MROH1: variants seen among roughly 807,000 people sequenced by gnomAD.
The protein encoded by MROH1 is maestro heat like repeat family member 1.
Under a neutral mutation model 116.5 loss-of-function variants are expected in MROH1, and 117 were observed. That is an observed-to-expected ratio of 1.00 (90% confidence interval 0.86 to 1.17). The LOEUF is 1.17. Ranked by LOEUF, MROH1 falls within the 50% of genes most tolerant of loss-of-function variation. The probability of loss-of-function intolerance (pLI) is 0.00; values close to 1 mark genes in which losing one functional copy is unlikely to be tolerated. For missense variants in MROH1, 1,873 were observed against 1,338.5 expected (o/e 1.40, Z -6.23); for synonymous variants, 921 against 583.9 (o/e 1.58, Z -8.32).
chr8:144,258,435 C>T (rs1844333333), intron 35 of MROH1, among the ~76,000 whole-genome samples: 1 of 152,160 alleles, frequency 6.6e-6, no homozygotes, highest in South Asian at 2.1e-4. Context: ...GTGGGGGGCA[C>T]CTGTGGTGTG....
chr8:144,174,047 G>C (rs1823198317), intron 4 of MROH1, among the ~76,000 whole-genome samples: 1 of 152,174 alleles, frequency 6.6e-6, no homozygotes, highest in South Asian at 2.1e-4. Context: ...TGCCAACTGA[G>C]TCTGGGGTCT....
At chr8:144,238,716 T>C (rs1369403549) in intron 14 of MROH1, 40 bp from the exon 15 acceptor site, 3 of 764,352 alleles carry the variant, frequency 3.9e-6, no homozygotes, top group Admixed American at 3.4e-5. Context: ...CCCAGAGCCA[T>C]GGCCGCCCAC....
intron 10 of MROH1, among the ~76,000 whole-genome samples, chr8:144,195,787 C>T (rs573361826): frequency 2.0e-5 from 3 of 152,078 alleles, no homozygotes; most frequent in South Asian, 2.1e-4. Flanking sequence ...ACTGCAGCCT[C>T]GGCCTCCCAG....
chr8:144,179,385 A>T (rs765764392), intron 4 of MROH1, 70 bp from the exon 5 acceptor site: 1 of 1,588,026 alleles, frequency 6.3e-7, no homozygotes, highest in Non-Finnish European at 8.6e-7. Flanking sequence ...TTGTAGAGAC[A>T]GTGACAGGCA....
chr8:144,259,181 G>T, intron 36 of MROH1, 59 bp from the exon 37 acceptor site: 1 of 705,018 alleles, frequency 1.4e-6, no homozygotes, highest in South Asian at 1.5e-5. Flanking sequence ...GGTGGAAGGT[G>T]CCTGGGTAGG....
rs1841552979 is a variant in MROH1 at position 144,244,527 on chromosome 8, G to A, written c.2754G>A (p.Gln918=). ...GGAACATGACCCCCCAAGGCCTGCAGATCATGATTGAGGTGTGCAGGGGGG... is the reference window on the plus strand; with the variant it reads ...GGAACATGACCCCCCAAGGCCTGCAAATCATGATTGAGGTGTGCAGGGGGG... ...LQRNMTPQGL[Q]IMIEHLSPWI... The change falls in exon 28 of 44, where the codon CAG becomes CAA. Residue 918 remains glutamine (Q), a synonymous_variant. Transcript: ENST00000326134. 1.3e-6 allele frequency: 1 copy of A among 765,810 alleles called. No individual in the cohort carries two copies. The highest frequency in any genetic ancestry group is 1.7e-5 in the African/African-American group (1 of 58,894). The allele number at this position is 765,810 out of a possible 1,614,324, so 47.4% of individuals were successfully genotyped here.
chr8:144,247,390 C>T lies in MROH1; in HGVS notation c.2961C>T (p.Ala987=), dbSNP rs1435149273. 6.4e-5 allele frequency: 49 copies of T among 770,910 alleles called. No homozygotes were observed. In the Admixed American group the frequency reaches 6.6e-4, roughly 10 times the overall value. The allele number at this position is 770,910 out of a possible 1,614,324, so 47.8% of individuals were successfully genotyped here. A position where few individuals can be genotyped will look rare whatever the true frequency, so the allele number is the denominator to read the frequency against. The change falls in exon 30 of 44, where the codon GCC becomes GCT. Residue 987 remains alanine (A), a synonymous_variant. Transcript: ENST00000326134. ...ADLWPATRQE[A]VDCVYSLLYL... ...TGTGGCCTGCCACCCGCCAGGAGGC[C>T]GTGGACTGTGTCTACTCCCTGCTGT...
intron 10 of MROH1, among the ~76,000 whole-genome samples, chr8:144,195,285 AGG>A (rs1829601693): frequency 6.8e-6 from 1 of 147,776 alleles, no homozygotes; most frequent in African/African-American, 2.5e-5. Flanking sequence ...GCAGATCACG[AGG>A]TCAGGAGATC....
intron 12 of MROH1, chr8:144,201,190 G>A (rs1448834963): frequency 2.0e-5 from 3 of 151,964 alleles, no homozygotes; most frequent in Admixed American, 6.6e-5. Flanking sequence ...CCGAGTAGCT[G>A]GAACTACAGG....
At position 144,179,503 on chromosome 8, in the gene MROH1, C is replaced by T; in HGVS notation, c.217C>T (p.Leu73=). 6.2e-7 allele frequency: 1 copy of T among 1,613,644 alleles called. No individual in the cohort carries two copies. The highest frequency in any genetic ancestry group is 8.5e-7 in the Non-Finnish European group (1 of 1,179,842). The part of the protein sequence containing the change: ...AAVLRAMERV[L]SSRASELDKD... ...GGTCCTGAGGGCCATGGAGAGGGTCCTGAGCAGTCGCGCCAGTGAGCTGGA... is the reference window on the plus strand; with the variant it reads ...GGTCCTGAGGGCCATGGAGAGGGTCTTGAGCAGTCGCGCCAGTGAGCTGGA... The change falls in exon 5 of 44, where the codon CTG becomes TTG. Residue 73 remains leucine, a synonymous_variant. Transcript: ENST00000326134.
In MROH1 at chr8:144,248,883, G is replaced by A; in HGVS notation, c.3127G>A (p.Ala1043Thr). The A allele has an allele frequency of 1.3e-6, 1 of 778,852 alleles. No homozygotes were observed. The highest frequency in any genetic ancestry group is 2.4e-6 in the Non-Finnish European group (1 of 417,174). 48.2% of individuals were successfully genotyped at this position (778,852 alleles called of 1,614,324 possible). A position where few individuals can be genotyped will look rare whatever the true frequency, so the allele number is the denominator to read the frequency against. ...HTCHSVGQII[A>T]KRLPPDQLIS... Reference sequence around the variant, plus strand: ...GGCATCGCCTTCCTCCTAGATTATTGCCAAGCGCCTCCCCCCAGACCAGCT... The same window carrying A: ...GGCATCGCCTTCCTCCTAGATTATTACCAAGCGCCTCCCCCCAGACCAGCT... Residue 1043 changes from alanine (A) to threonine (T), a missense_variant, in exon 32 of 44, where the codon GCC (alanine) becomes ACC (threonine). Ala to Thr is a moderately conservative substitution (Grantham distance 58). Coordinates refer to ENST00000326134, the MANE Select transcript of MROH1 (RefSeq NM_032450.3).
In MROH1 at chr8:144,240,807, TG is replaced by T. The variant is rs1200785366; in HGVS notation, c.1935+131del. 3 of 681,426 alleles carry T rather than the reference TG, an allele frequency of 4.4e-6. No homozygotes were observed. The Admixed American group carries it at 6.2e-5, about 14-fold the overall frequency. 42.2% of individuals were successfully genotyped at this position (681,426 alleles called of 1,614,324 possible). A position where few individuals can be genotyped will look rare whatever the true frequency, so the allele number is the denominator to read the frequency against. ...CCTGGCAGAGCCTCCTTGTGGTGGCTGAGGGCCAGGAGTGCGAGAGCCCACC... is the reference window on the plus strand; with the variant it reads ...CCTGGCAGAGCCTCCTTGTGGTGGCTAGGGCCAGGAGTGCGAGAGCCCACC... On this transcript the variant is annotated intron_variant, in intron 20 of 43. Coordinates refer to ENST00000326134, the MANE Select transcript of MROH1 (RefSeq NM_032450.3).
At chr8:144,173,467 G>A (rs1823027745) in intron 4 of MROH1, among the ~76,000 whole-genome samples, 1 of 150,082 alleles carries the variant, frequency 6.7e-6, no homozygotes, top group Admixed American at 6.7e-5. Context: ...TCTTGCCCAG[G>A]CTGGGCTGGA....
chr8:144,243,016 G>A, intron 24 of MROH1, among the ~76,000 whole-genome samples: 1 of 152,228 alleles, frequency 6.6e-6, no homozygotes, highest in East Asian at 1.9e-4. Context: ...CAGTGGAAGT[G>A]GCAGTGGAGG....
intron 12 of MROH1, chr8:144,200,783 T>C (rs1830946847): frequency 4.0e-6 from 2 of 500,980 alleles, no homozygotes; most frequent in Non-Finnish European, 7.3e-6. Flanking sequence ...GCAGACACCA[T>C]GCGTGGCCAC....
At chr8:144,213,808 T>C (rs2132181470) in intron 12 of MROH1, among the ~76,000 whole-genome samples, 1 of 152,246 alleles carries the variant, frequency 6.6e-6, no homozygotes, top group Non-Finnish European at 1.5e-5. Context: ...TTATTTATTG[T>C]TTATCTGAAA....
Position 144,250,263 on chromosome 8 carries a change from G to C in MROH1, c.3325G>C (p.Glu1109Gln). 3 of 768,070 alleles carry C rather than the reference G, an allele frequency of 3.9e-6. No homozygotes were observed. The highest frequency in any genetic ancestry group is 1.4e-5 in the South Asian group (1 of 73,560). 47.6% of individuals were successfully genotyped at this position (768,070 alleles called of 1,614,324 possible). ...LRSKLQEAQG[E>Q]HVLPAAQHSV... The stretch of plus-strand genomic sequence containing the variant: ...CTCCAAGCTTCAGGAGGCCCAGGGA[G>C]AGCACGTCCTGCCGGCCGCCCAGCA... Residue 1109 changes from glutamate (E) to glutamine (Q), a missense_variant, in exon 33 of 44, where the codon GAG becomes CAG. By Grantham distance (29) the Glu-to-Gln change is conservative. Coordinates refer to ENST00000326134, the MANE Select transcript of MROH1 (RefSeq NM_032450.3).
chr8:144,253,971 C>T (rs1261512241), intron 33 of MROH1, among the ~76,000 whole-genome samples: 3 of 152,026 alleles, frequency 2.0e-5, no homozygotes, highest in Non-Finnish European at 4.4e-5. Flanking sequence ...CAGGCGGCTT[C>T]AGGGCTCCCT....
rs1390612213 is a variant in MROH1, at chr8:144,223,099, T to C, written c.1216-9T>C. The C allele has an allele frequency of 1.9e-6, 3 of 1,613,172 alleles. No homozygotes were observed. Among genetic ancestry groups the C allele is most frequent in the African/African-American group, 2.7e-5 (2 of 74,874 alleles). On this transcript the variant is annotated splice_polypyrimidine_tract_variant and intron_variant, in intron 13 of 43. Coordinates refer to ENST00000326134, the MANE Select transcript of MROH1 (RefSeq NM_032450.3). Reference sequence around the variant, plus strand: ...CCCCTTCCTGATCTCCCATTTGTTCTCTGGGCAGGTGAAGCGGGCAGTGGT... The same window carrying C: ...CCCCTTCCTGATCTCCCATTTGTTCCCTGGGCAGGTGAAGCGGGCAGTGGT...
Sources: gnomAD v4.1 joint callset for allele counts (sites outside exome capture counted in the v4.1 genomes callset) on GRCh38, gnomAD v4.1.1 for gene constraint, MANE v1.5 for transcripts, NCBI Gene and HGNC (gene_info 2026-07-23, HGNC 2026-07-21) for gene names.